The following SPATA17 variants were observed in gnomAD, a reference collection of about 807,000 sequenced individuals.
SPATA17 encodes the protein spermatogenesis associated 17.
In SPATA17, 53 loss-of-function variants were observed where a neutral mutation model predicts 62.2. The observed-to-expected ratio is 0.85, with a 90% CI of 0.68 to 1.07. SPATA17 has a LOEUF of 1.07. Among genes scored for constraint, SPATA17 ranks in the 50% least tolerant of loss-of-function variants. The pLI is 0.00. For missense variants in SPATA17, 466 were observed against 425.5 expected (o/e 1.10, Z -0.84); for synonymous variants, 146 against 146.8 (o/e 0.99, Z 0.04).
intron 6 of SPATA17, among the ~76,000 whole-genome samples, chr1:217,752,274 C>T (rs12137615): frequency 0.42 from 64,349 of 151,944 alleles, 15,272 homozygotes; most frequent in Non-Finnish European, 0.55. Context: ...GTGATCCTCC[C>T]ACCTCAGCCT....
chr1:217,644,145 A>G (rs1670130810), intron 1 of SPATA17, among the ~76,000 whole-genome samples: 1 of 152,196 alleles, frequency 6.6e-6, no homozygotes, highest in South Asian at 2.1e-4. Context: ...GGTAACTTCT[A>G]CTATATGATC....
chr1:217,831,945 A>G (rs1162905262), intron 9 of SPATA17, among the ~76,000 whole-genome samples: 2 of 152,202 alleles, frequency 1.3e-5, no homozygotes, highest in East Asian at 1.9e-4. Flanking sequence ...CCATTTTAAA[A>G]GGTTAACATT....
At chr1:217,847,924 T>C (rs2103009893) in intron 9 of SPATA17, among the ~76,000 whole-genome samples, 1 of 152,134 alleles carries the variant, frequency 6.6e-6, no homozygotes, top group South Asian at 2.1e-4. Flanking sequence ...CCTAGCTATG[T>C]GGGAGGCCGA....
At chr1:217,842,419 G>A (rs968736687) in intron 9 of SPATA17, among the ~76,000 whole-genome samples, 3 of 151,944 alleles carry the variant, frequency 2.0e-5, no homozygotes, top group Admixed American at 6.6e-5. Context: ...ACTCACTAGT[G>A]AGCCTATTGA....
chr1:217,804,767 G>A (rs1169491521), intron 9 of SPATA17, among the ~76,000 whole-genome samples: 1 of 152,126 alleles, frequency 6.6e-6, no homozygotes, highest in African/African-American at 2.4e-5. Flanking sequence ...CATGCAAATG[G>A]CCAACAAGTA....
intron 6 of SPATA17, among the ~76,000 whole-genome samples, chr1:217,760,668 TAA>T (rs1673151247): frequency 6.6e-6 from 1 of 152,180 alleles, no homozygotes; most frequent in South Asian, 2.1e-4. Flanking sequence ...ACACTAGAAA[TAA>T]AGTTTAACAA....
At chr1:217,790,788 T>A (rs1258496795) in intron 8 of SPATA17, among the ~76,000 whole-genome samples, 2 of 152,228 alleles carry the variant, frequency 1.3e-5, no homozygotes, top group African/African-American at 2.4e-5. Flanking sequence ...TCGTAGACAT[T>A]ACTAAAAGAA....
chr1:217,847,079 G>T (rs935190290), intron 9 of SPATA17, among the ~76,000 whole-genome samples: 4 of 151,890 alleles, frequency 2.6e-5, no homozygotes, highest in Admixed American at 2.6e-4. Context: ...CCTAGATTGT[G>T]TGACTATGTC....
At chr1:217,686,215 T>G (rs1038363215) in intron 5 of SPATA17, among the ~76,000 whole-genome samples, 1 of 152,122 alleles carries the variant, frequency 6.6e-6, no homozygotes, top group Admixed American at 6.6e-5. Flanking sequence ...ATTACTAGTC[T>G]TTGGAAGTTT....
intron 6 of SPATA17, among the ~76,000 whole-genome samples, chr1:217,743,628 A>G (rs1672676116): frequency 6.6e-6 from 1 of 151,854 alleles, no homozygotes; most frequent in South Asian, 2.1e-4. Context: ...AAGAGGGAGC[A>G]AAAAAGAGTC....
At chr1:217,669,444 CA>C (rs761377988) in intron 4 of SPATA17, among the ~76,000 whole-genome samples, 1 of 152,104 alleles carries the variant, frequency 6.6e-6, no homozygotes, top group Non-Finnish European at 1.5e-5. Context: ...CTGCCCAATA[CA>C]AATCAATTAG....
chr1:217,782,827 T>C (rs997327139), intron 8 of SPATA17, among the ~76,000 whole-genome samples: 3 of 151,648 alleles, frequency 2.0e-5, no homozygotes, highest in Non-Finnish European at 2.9e-5. Context: ...TTTTAAATTT[T>C]TTTTAGCATC....
intron 9 of SPATA17, among the ~76,000 whole-genome samples, chr1:217,802,241 G>A (rs1674330595): frequency 1.3e-5 from 2 of 151,880 alleles, no homozygotes; most frequent in Admixed American, 1.3e-4. Flanking sequence ...AAAGAGGAGG[G>A]GAGAGAAGAC....
At chr1:217,655,084 T>C (rs1670413012) in intron 3 of SPATA17, among the ~76,000 whole-genome samples, 1 of 152,212 alleles carries the variant, frequency 6.6e-6, no homozygotes, top group Non-Finnish European at 1.5e-5. Context: ...GTATAGACAC[T>C]ATTCATATTT....
At chr1:217,659,705 C>T (rs1411857369) in intron 3 of SPATA17, among the ~76,000 whole-genome samples, 1 of 152,042 alleles carries the variant, frequency 6.6e-6, no homozygotes, top group African/African-American at 2.4e-5. Flanking sequence ...CAAATTGGCT[C>T]GTCCTATATT....
rs542567275 is a variant in SPATA17, at chr1:217,811,913, T to A, written c.1005+10063T>A. ...AAACTTTGTTTCTTGATATTGGAAA[T>A]TTTAGGCTTCAATTTATTAATTATT... is the stretch of plus-strand genomic sequence containing the variant. On this transcript the variant is annotated intron_variant, in intron 9 of 10. Transcript: ENST00000366933. 9.0e-4 allele frequency among the ~76,000 whole-genome samples: 137 copies of A among 152,290 alleles called. 1 individual carries two copies. Among genetic ancestry groups the A allele is most frequent in the African/African-American group, 3.1e-3 (127 of 41,564 alleles).
intron 1 of SPATA17, among the ~76,000 whole-genome samples, chr1:217,641,415 AAATC>A (rs1670059483): frequency 6.6e-6 from 1 of 152,114 alleles, no homozygotes; most frequent in South Asian, 2.1e-4. Context: ...GAGGGAAAAA[AAATC>A]AATCAACAGA....
chr1:217,763,227 A>C (rs1227317736), intron 6 of SPATA17, among the ~76,000 whole-genome samples: 1 of 152,192 alleles, frequency 6.6e-6, no homozygotes, highest in African/African-American at 2.4e-5. Context: ...TATGCATACA[A>C]TTAGTTATAA....
At chr1:217,761,412 C>T (rs1673170183) in intron 6 of SPATA17, among the ~76,000 whole-genome samples, 1 of 152,136 alleles carries the variant, frequency 6.6e-6, no homozygotes, top group South Asian at 2.1e-4. Flanking sequence ...TCTTCCTTCC[C>T]GATACTGCTC....
Sources: allele counts gnomAD v4.1 joint callset (sites outside exome capture counted in the v4.1 genomes callset), GRCh38; gene constraint gnomAD v4.1.1; transcripts MANE v1.5; gene names NCBI Gene and HGNC (gene_info 2026-07-23, HGNC 2026-07-21).